The following KLHL1 variants were observed in gnomAD, a reference collection of about 807,000 sequenced individuals.
KLHL1 encodes the protein kelch-like protein 1.
KLHL1 carries 47 observed loss-of-function variants against 77.7 expected under a neutral mutation model. The ratio of observed to expected loss-of-function variants is 0.60; its 90% CI spans 0.48 to 0.77. KLHL1 has a LOEUF of 0.77. Ranked by LOEUF, KLHL1 falls within the 30% of genes least tolerant of loss-of-function variation. The probability of loss-of-function intolerance (pLI) is 0.00; values close to 1 mark genes in which losing one functional copy is unlikely to be tolerated. For missense variants in KLHL1, 925 were observed against 910.8 expected, an observed-to-expected ratio of 1.02 and a Z score of -0.20; for synonymous variants, 360 against 325.2, an observed-to-expected ratio of 1.11 and a Z score of -1.15.
At chr13:69,900,447 G>C (rs2138225302) in intron 4 of KLHL1, among the ~76,000 whole-genome samples, 1 of 152,340 alleles carries the variant, frequency 6.6e-6, no homozygotes, top group South Asian at 2.1e-4. Context: ...TTACGGGTAA[G>C]GGAAACAAAA....
intron 5 of KLHL1, among the ~76,000 whole-genome samples, chr13:69,881,347 C>T (rs1880980692): frequency 1.3e-5 from 2 of 152,110 alleles, no homozygotes; most frequent in Admixed American, 1.3e-4. Flanking sequence ...ACTAAATGTC[C>T]TAATTCTCTG....
At chr13:69,859,988 T>A (rs1354909203) in intron 5 of KLHL1, among the ~76,000 whole-genome samples, 2 of 152,078 alleles carry the variant, frequency 1.3e-5, no homozygotes, top group South Asian at 2.1e-4. Context: ...TTTAGTATGA[T>A]ACCATCCCTG....
At chr13:69,929,551 A>T (rs1485630918) in intron 4 of KLHL1, among the ~76,000 whole-genome samples, 7 of 151,880 alleles carry the variant, frequency 4.6e-5, no homozygotes, top group African/African-American at 1.7e-4. Context: ...TGGATTACTT[A>T]TGCCAAGATT....
chr13:69,736,346 C>T (rs548840775), intron 8 of KLHL1, among the ~76,000 whole-genome samples: 1 of 152,150 alleles, frequency 6.6e-6, no homozygotes, highest in South Asian at 2.1e-4. Flanking sequence ...GATTTAACCA[C>T]CTTACTCTTG....
intron 7 of KLHL1, among the ~76,000 whole-genome samples, chr13:69,781,268 G>T (rs1876180297): frequency 6.8e-6 from 1 of 147,330 alleles, no homozygotes; most frequent in African/African-American, 2.5e-5. Context: ...CTTCTTGAGA[G>T]ACTCCTTTTT....
intron 1 of KLHL1, among the ~76,000 whole-genome samples, chr13:70,054,830 G>A (rs1454569325): frequency 5.5e-5 from 8 of 144,216 alleles, no homozygotes; most frequent in African/African-American, 2.0e-4. Flanking sequence ...AGCATTAAGA[G>A]AGAATTAGTG....
intron 1 of KLHL1, among the ~76,000 whole-genome samples, chr13:70,018,356 T>C (rs1036167981): frequency 6.6e-6 from 1 of 152,180 alleles, no homozygotes; most frequent in South Asian, 2.1e-4. Context: ...ACTCAAATAG[T>C]GGGGTTATGT....
At chr13:69,801,909 A>T (rs1877400216) in intron 6 of KLHL1, among the ~76,000 whole-genome samples, 1 of 152,182 alleles carries the variant, frequency 6.6e-6, no homozygotes. Context: ...ACACGAAAGA[A>T]CATGCAGGTT....
At position 69,904,001 on chromosome 13, in the gene KLHL1, G is replaced by A. The variant is rs1881965295; in HGVS notation, c.1015-21506C>T. On this transcript the variant is annotated intron_variant, in intron 4 of 10. Coordinates refer to ENST00000377844, the MANE Select transcript of KLHL1 (RefSeq NM_020866.3). ...AAGAAATGTTTACTATATGCCCTATGTATTTAAAGAGACCCACTTGAAATG... is the reference window on the plus strand; with the variant it reads ...AAGAAATGTTTACTATATGCCCTATATATTTAAAGAGACCCACTTGAAATG... Among the ~76,000 whole-genome samples, 3 of 151,598 alleles carry A rather than the reference G, an allele frequency of 2.0e-5. No homozygotes were observed. In the South Asian group the frequency reaches 6.2e-4, roughly 31 times the overall value.
chr13:69,847,096 T>C (rs1404538657), intron 5 of KLHL1, among the ~76,000 whole-genome samples: 2 of 151,426 alleles, frequency 1.3e-5, no homozygotes, highest in Non-Finnish European at 3.0e-5. Context: ...CTGCACTATA[T>C]TGCCTGTATA....
intron 7 of KLHL1, among the ~76,000 whole-genome samples, chr13:69,754,884 C>T (rs1237220362): frequency 1.3e-5 from 2 of 152,056 alleles, no homozygotes; most frequent in African/African-American, 4.8e-5. Context: ...TGATGAAATT[C>T]CACTGTTCTT....
chr13:69,797,920 T>G (rs1367298740), intron 6 of KLHL1, among the ~76,000 whole-genome samples: 2 of 152,034 alleles, frequency 1.3e-5, no homozygotes, highest in Non-Finnish European at 2.9e-5. Flanking sequence ...CTCTAAATAA[T>G]ATAGCTTATA....
chr13:70,058,273 A>G (rs1886796392), intron 1 of KLHL1, among the ~76,000 whole-genome samples: 1 of 152,220 alleles, frequency 6.6e-6, no homozygotes, highest in Non-Finnish European at 1.5e-5. Flanking sequence ...CAAATTAGAA[A>G]GGAAGAAGTC....
At chr13:69,778,499 A>G (rs762608719) in intron 7 of KLHL1, among the ~76,000 whole-genome samples, 66 of 151,898 alleles carry the variant, frequency 4.3e-4, no homozygotes, top group Non-Finnish European at 1.3e-4. Context: ...ATAGTATCTT[A>G]TATTCCTTAA....
chr13:69,754,402 T>C (rs1874618311), intron 7 of KLHL1, among the ~76,000 whole-genome samples: 1 of 152,182 alleles, frequency 6.6e-6, no homozygotes, highest in African/African-American at 2.4e-5. Flanking sequence ...ACATATCCTT[T>C]TTGTATATAC....
At chr13:69,826,652 ATTT>A (rs1189587998) in intron 6 of KLHL1, among the ~76,000 whole-genome samples, 1 of 152,188 alleles carries the variant, frequency 6.6e-6, no homozygotes, top group Non-Finnish European at 1.5e-5. Flanking sequence ...ATTTGAGGCA[ATTT>A]ATATGTTAAT....
At chr13:69,788,467 C>T (rs1195001808) in intron 7 of KLHL1, among the ~76,000 whole-genome samples, 1 of 151,858 alleles carries the variant, frequency 6.6e-6, no homozygotes, top group Admixed American at 6.6e-5. Flanking sequence ...ACAATGAGAA[C>T]ACATGGACAC....
At chr13:70,024,268 A>C (rs1259011505) in intron 1 of KLHL1, among the ~76,000 whole-genome samples, 2 of 151,926 alleles carry the variant, frequency 1.3e-5, no homozygotes, top group African/African-American at 4.8e-5. Context: ...TTAATTTTTA[A>C]AGTTTTGACA....
intron 7 of KLHL1, among the ~76,000 whole-genome samples, chr13:69,762,899 A>G (rs1593806415): frequency 6.6e-6 from 1 of 151,994 alleles, no homozygotes; most frequent in Admixed American, 6.6e-5. Context: ...TGGGAAATGA[A>G]GGGCCAATGT....
Sources: allele counts gnomAD v4.1 joint callset (sites outside exome capture counted in the v4.1 genomes callset), GRCh38; gene constraint gnomAD v4.1.1; transcripts MANE v1.5; gene names NCBI Gene and HGNC (gene_info 2026-07-23, HGNC 2026-07-21).